Variants in EYS observed in about 807,000 individuals in gnomAD.
EYS encodes EGF-like photoreceptor maintenance factor.
EYS carries 250 observed loss-of-function variants against 282.1 expected under a neutral mutation model. The observed-to-expected ratio is 0.89, with a 90% CI of 0.80 to 0.98. The LOEUF (loss-of-function observed/expected upper bound fraction) is 0.98, where lower values mean the gene tolerates loss of function less well. Among genes scored for constraint, EYS ranks in the 50% least tolerant of loss-of-function variants. The pLI, the probability that EYS is intolerant of heterozygous loss-of-function variation, is 0.00. For synonymous variants in EYS, 1,355 were observed against 1,282.9 expected (o/e 1.06, Z -1.20); for missense variants, 4,016 against 3,709.0 (o/e 1.08, Z -2.15).
chr6:64,332,253 C>T lies in EYS; in HGVS notation c.6079-25171G>A, dbSNP rs1031175523. ...GGTATTCACCCTGTGAGATAGTGTTCGGCTGACCACCCTCAATCATAATTC... is the reference window on the plus strand; with the variant it reads ...GGTATTCACCCTGTGAGATAGTGTTTGGCTGACCACCCTCAATCATAATTC... On this transcript the variant is annotated intron_variant, in intron 29 of 42. Transcript: ENST00000503581. Among the ~76,000 whole-genome samples the T allele has an allele frequency of 9.9e-5, 15 of 152,094 alleles. No homozygotes were observed. The South Asian group carries it at 1.2e-3, about 13-fold the overall frequency.
At chr6:64,507,630 T>C (rs2150516515) in intron 26 of EYS, among the ~76,000 whole-genome samples, 1 of 152,182 alleles carries the variant, frequency 6.6e-6, no homozygotes, top group South Asian at 2.1e-4. Context: ...ATAATAAGAA[T>C]CAACTGGGTA....
intron 31 of EYS, among the ~76,000 whole-genome samples, chr6:64,091,107 A>G (rs191654569): frequency 6.6e-6 from 1 of 152,180 alleles, no homozygotes; most frequent in Non-Finnish European, 1.5e-5. Context: ...CACTTTGAAC[A>G]TTCATTAATT....
At chr6:65,274,597 GT>G (rs1347034991) in intron 12 of EYS, among the ~76,000 whole-genome samples, 2 of 152,084 alleles carry the variant, frequency 1.3e-5, no homozygotes, top group Non-Finnish European at 2.9e-5. Context: ...TTACCTCAGG[GT>G]TATAAAAATT....
chr6:64,503,946 C>A (rs968949547), intron 26 of EYS, among the ~76,000 whole-genome samples: 2 of 152,148 alleles, frequency 1.3e-5, no homozygotes, highest in African/African-American at 4.8e-5. Flanking sequence ...CTCTCTCTCT[C>A]CTGCTCCACC....
At chr6:65,332,547 A>G (rs1356732132) in intron 11 of EYS, 1 of 767,400 alleles carries the variant, frequency 1.3e-6, no homozygotes, top group Non-Finnish European at 2.2e-6. Flanking sequence ...AGTGGTATAC[A>G]GAGGGTTTAT....
At chr6:64,146,041 A>C (rs991464826) in intron 31 of EYS, among the ~76,000 whole-genome samples, 1 of 152,072 alleles carries the variant, frequency 6.6e-6, no homozygotes, top group Non-Finnish European at 1.5e-5. Context: ...TTCATGACAA[A>C]GTCTTCTGTC....
At chr6:63,785,018 C>G (rs1010107167) in intron 39 of EYS, among the ~76,000 whole-genome samples, 2 of 152,144 alleles carry the variant, frequency 1.3e-5, no homozygotes, top group Admixed American at 1.3e-4. Flanking sequence ...CCCTGAGTTT[C>G]TGGTTCAATT....
chr6:63,726,698 A>G lies in EYS; in HGVS notation c.8072-18T>C, dbSNP rs1270104730. 6.5e-7 allele frequency: 1 copy of G among 1,546,590 alleles called. No homozygotes were observed. Among genetic ancestry groups the G allele is most frequent in the Admixed American group, 2.0e-5 (1 of 50,554 alleles). On this transcript the variant is annotated intron_variant, in intron 41 of 42. Transcript: ENST00000503581. The stretch of plus-strand genomic sequence containing the variant: ...GGATAAAGCTGAGGGAAGGAGAGAA[A>G]GAGAACTCTGGGAGTTATCTGCTGG...
At chr6:65,034,469 C>T (rs1280760550) in intron 13 of EYS, among the ~76,000 whole-genome samples, 1 of 152,054 alleles carries the variant, frequency 6.6e-6, no homozygotes, top group African/African-American at 2.4e-5. Flanking sequence ...GTGTTTGGAT[C>T]ATGGGAGCAG....
Position 63,876,425 on chromosome 6 carries a change from G to C in EYS, c.7056-12067C>G, listed in dbSNP as rs147542714. Among the ~76,000 whole-genome samples the C allele has an allele frequency of 6.8e-3, 1,040 of 152,286 alleles. 11 individuals are homozygous for C. The highest frequency in any genetic ancestry group is 0.023 in the African/African-American group (954 of 41,536). On this transcript the variant is annotated intron_variant, in intron 35 of 42. Coordinates refer to ENST00000503581, the MANE Select transcript of EYS (RefSeq NM_001142800.2). The stretch of plus-strand genomic sequence containing the variant: ...TCAGTTTTGGAATAAGTGCGATGTG[G>C]TGCTGAGAAGAATGTACATTCTGTT...
intron 35 of EYS, among the ~76,000 whole-genome samples, chr6:63,876,248 G>A (rs947261863): frequency 2.6e-5 from 4 of 152,208 alleles, no homozygotes; most frequent in African/African-American, 9.7e-5. Flanking sequence ...TCATTCAGGA[G>A]CAGGTTGTTC....
chr6:65,256,148 C>G (rs1267740368), intron 12 of EYS, among the ~76,000 whole-genome samples: 1 of 151,856 alleles, frequency 6.6e-6, no homozygotes, highest in Non-Finnish European at 1.5e-5. Context: ...CATATACACA[C>G]TGAAGTACTA....
chr6:64,337,450 C>T (rs1174508189), intron 29 of EYS, among the ~76,000 whole-genome samples: 1 of 151,998 alleles, frequency 6.6e-6, no homozygotes, highest in Non-Finnish European at 1.5e-5. Flanking sequence ...ATACCCTGAA[C>T]AGACCAATAA....
chr6:64,490,547 G>A (rs1334887923), intron 26 of EYS, among the ~76,000 whole-genome samples: 1 of 150,794 alleles, frequency 6.6e-6, no homozygotes, highest in African/African-American at 2.4e-5. Context: ...CCTCTGGTTT[G>A]TGGTATGTGT....
intron 1 of EYS, among the ~76,000 whole-genome samples, chr6:65,665,421 C>T (rs1363970853): frequency 6.6e-6 from 1 of 151,994 alleles, no homozygotes; most frequent in East Asian, 1.9e-4. Flanking sequence ...CAAGAAATGG[C>T]CACTAAACTG....
At chr6:63,763,257 G>A (rs1254405947) in intron 40 of EYS, among the ~76,000 whole-genome samples, 2 of 152,022 alleles carry the variant, frequency 1.3e-5, no homozygotes, top group African/African-American at 2.4e-5. Flanking sequence ...GGGTAATGGG[G>A]AATACTCAGC....
At chr6:64,298,605 T>C (rs753986694) in intron 30 of EYS, among the ~76,000 whole-genome samples, 3 of 151,990 alleles carry the variant, frequency 2.0e-5, no homozygotes, top group Non-Finnish European at 2.9e-5. Flanking sequence ...AAGATGGTAA[T>C]GTAAAAAATG....
At chr6:64,704,498 A>T in intron 22 of EYS, among the ~76,000 whole-genome samples, 1 of 11,416 alleles carries the variant, frequency 8.8e-5, no homozygotes, top group East Asian at 8.3e-4. Flanking sequence ...TTATAATATA[A>T]TACTTATAAT....
At chr6:64,009,607 C>T (rs567034313) in intron 33 of EYS, among the ~76,000 whole-genome samples, 17 of 152,168 alleles carry the variant, frequency 1.1e-4, no homozygotes, top group African/African-American at 2.4e-4. Flanking sequence ...CTTAAAATGA[C>T]CATTTCATCT....
Sources: gnomAD v4.1 joint callset for allele counts (sites outside exome capture counted in the v4.1 genomes callset) on GRCh38, gnomAD v4.1.1 for gene constraint, MANE v1.5 for transcripts, NCBI Gene and HGNC (gene_info 2026-07-23, HGNC 2026-07-21) for gene names.